Variants in SS18L1 observed in about 807,000 individuals in gnomAD.
SS18L1 encodes the protein SS18L1 subunit of BAF chromatin remodeling complex.
SS18L1 carries 32 observed loss-of-function variants against 70.3 expected under a neutral mutation model. That is an observed-to-expected ratio of 0.46 (90% CI 0.34 to 0.61). The LOEUF (loss-of-function observed/expected upper bound fraction) is 0.61. Ranked by LOEUF, SS18L1 falls within the 20% of genes least tolerant of loss-of-function variation. The pLI is 0.01. For missense variants in SS18L1, 430 were observed against 542.1 expected (o/e 0.79, Z 2.05); for synonymous variants, 237 against 229.7 (o/e 1.03, Z -0.29).
chr20:62,166,215 G>A (rs1416171181), intron 8 of SS18L1, among the ~76,000 whole-genome samples: 3 of 152,248 alleles, frequency 2.0e-5, no homozygotes, highest in Non-Finnish European at 4.4e-5. Context: ...GATCGCCTGC[G>A]GGATTGCGCA....
chr20:62,168,939 G>A (rs2057481226), intron 8 of SS18L1, among the ~76,000 whole-genome samples: 1 of 152,142 alleles, frequency 6.6e-6, no homozygotes, highest in Non-Finnish European at 1.5e-5. Flanking sequence ...AAAACGAGAG[G>A]GTGTTCATGC....
chr20:62,154,203 G>C, intron 1 of SS18L1: 1 of 466,662 alleles, frequency 2.1e-6, no homozygotes, highest in Non-Finnish European at 2.9e-6. Flanking sequence ...ACATCATTAA[G>C]GATTACTGGA....
intron 1 of SS18L1, 81 bp downstream of exon 1, chr20:62,143,970 G>C (rs2056972426): frequency 1.1e-6 from 1 of 881,162 alleles, no homozygotes; most frequent in African/African-American, 1.8e-5. Flanking sequence ...GCAGCTGGCG[G>C]GCGCGGGGCG....
rs560770520 is a variant in SS18L1 at position 62,165,530 on chromosome 20, G to A, written c.916+16G>A. ...TATGAGGGGGGTAAGGAGCACGGCT[G>A]CGTGCTGGGCTCGAGCGTAAGCGCC... On this transcript the variant is annotated intron_variant, in intron 8 of 10. Coordinates refer to ENST00000331758, the MANE Select transcript of SS18L1 (RefSeq NM_198935.3). The A allele has an allele frequency of 1.4e-5, 18 of 1,285,734 alleles. No homozygotes were observed. In the East Asian group the frequency reaches 3.6e-4, roughly 26 times the overall value. The allele number at this position is 1,285,734 out of a possible 1,614,324, so 79.6% of individuals were successfully genotyped here. A position where few individuals can be genotyped will look rare whatever the true frequency, so the allele number is the denominator to read the frequency against.
chr20:62,147,032 C>T (rs995262934), intron 1 of SS18L1, among the ~76,000 whole-genome samples: 4 of 152,290 alleles, frequency 2.6e-5, no homozygotes, highest in African/African-American at 9.6e-5. Context: ...TTTCCAGTAC[C>T]TCCCATGCGC....
chr20:62,158,738 G>T lies in SS18L1; in HGVS notation c.136G>T (p.Glu46Ter). 6.2e-7 allele frequency: 1 copy of T among 1,612,964 alleles called. No individual in the cohort carries two copies. The highest frequency in any genetic ancestry group is 1.7e-5 in the Admixed American group (1 of 60,028). Residue 46 changes from glutamate to a stop codon, truncating the protein, a stop_gained, in exon 2 of 11, where the codon GAG becomes TAG. Transcript: ENST00000331758. LOFTEE classifies it high-confidence loss of function. This position sits in a 1 kb window ranked among gnomAD's most constrained non-coding sequence, Gnocchi z 4.5. Reference protein sequence around the residue: ...LEYQSKGKTAECTQYQQILHR... With the variant: ...LEYQSKGKTA ...GTACCAGAGCAAGGGCAAGACGGCCGAGTGCACGCAGTGAGTGCCCGCCAT... is the reference window on the plus strand; with the variant it reads ...GTACCAGAGCAAGGGCAAGACGGCCTAGTGCACGCAGTGAGTGCCCGCCAT...
chr20:62,171,175 T>C (rs2057525253), intron 8 of SS18L1, among the ~76,000 whole-genome samples: 1 of 152,194 alleles, frequency 6.6e-6, no homozygotes, highest in African/African-American at 2.4e-5. Context: ...GTGCTGGGAT[T>C]ACAGGCGTGA....
At position 62,162,847 on chromosome 20, in the gene SS18L1, G is replaced by A. The variant is rs569664682; in HGVS notation, c.472G>A (p.Ala158Thr). 28 of 1,612,890 alleles carry A rather than the reference G, an allele frequency of 1.7e-5. No individual in the cohort carries two copies. In the Middle Eastern group the frequency reaches 4.9e-4, roughly 29 times the overall value. Residue 158 changes from alanine to threonine, a missense_variant, in exon 5 of 11, where the codon GCC (alanine) becomes ACC (threonine). Physicochemically the swap from Ala to Thr is moderately conservative, Grantham distance 58. Coordinates refer to ENST00000331758, the MANE Select transcript of SS18L1 (RefSeq NM_198935.3). ...GCCCGGCTACAGCCACGCGGGACCCGCCTCGCAGGGCGTCCCCATGCAGGG... is the reference window on the plus strand; with the variant it reads ...GCCCGGCTACAGCCACGCGGGACCCACCTCGCAGGGCGTCCCCATGCAGGG... The part of the protein sequence containing the change: ...SGPGYSHAGP[A>T]SQGVPMQGQG...
rs373325964 is a variant in SS18L1 at position 62,172,650 on chromosome 20, A to G, written c.917-32A>G. The stretch of plus-strand genomic sequence containing the variant: ...ATGAGCCCCCTTAGCCCAGGTGGGG[A>G]AAGTCATTTCTGTGTCTCCTCCTCC... On this transcript the variant is annotated intron_variant, in intron 8 of 10. Coordinates refer to ENST00000331758, the MANE Select transcript of SS18L1 (RefSeq NM_198935.3). The G allele has an allele frequency of 6.8e-6, 11 of 1,613,842 alleles. No individual in the cohort carries two copies. In the African/African-American group the frequency reaches 1.2e-4, roughly 18 times the overall value.
intron 1 of SS18L1, among the ~76,000 whole-genome samples, chr20:62,149,887 G>T (rs2427260): frequency 1.1e-4 from 16 of 152,204 alleles, no homozygotes; most frequent in Admixed American, 3.3e-4. Flanking sequence ...GCATACAGAC[G>T]TCGCGTGTTG....
rs1318359687 is a variant in SS18L1, at chr20:62,163,764, A to C, written c.721+142A>C. 3 of 1,216,290 alleles carry C rather than the reference A, an allele frequency of 2.5e-6. No homozygotes were observed. In the African/African-American group the frequency reaches 4.6e-5, roughly 19 times the overall value. The allele number at this position is 1,216,290 out of a possible 1,614,324, so 75.3% of individuals were successfully genotyped here. ...AGTGAGGCTTGGCGCCTTGGTGTTA[A>C]CATTGAGTGTGGACCCTGGGGGTGA... On this transcript the variant is annotated intron_variant, in intron 6 of 10. Transcript: ENST00000331758.
chr20:62,156,689 G>T (rs1044849712), intron 1 of SS18L1, among the ~76,000 whole-genome samples: 5 of 152,204 alleles, frequency 3.3e-5, no homozygotes, highest in Admixed American at 2.6e-4. Flanking sequence ...GCCTGTGGAT[G>T]AGTTTGGGCC....
chr20:62,164,760 G>T (rs1018464610), intron 7 of SS18L1, among the ~76,000 whole-genome samples: 1 of 152,198 alleles, frequency 6.6e-6, no homozygotes, highest in Non-Finnish European at 1.5e-5. Context: ...TGAAAACAGC[G>T]GTTCACACCT....
At chr20:62,146,524 T>C (rs2145684945) in intron 1 of SS18L1, among the ~76,000 whole-genome samples, 1 of 152,104 alleles carries the variant, frequency 6.6e-6, no homozygotes, top group Non-Finnish European at 1.5e-5. Context: ...TTACCTGCTC[T>C]TCTCCTGGCT....
At chr20:62,153,020 A>T (rs997380423) in intron 1 of SS18L1, among the ~76,000 whole-genome samples, 1 of 152,212 alleles carries the variant, frequency 6.6e-6, no homozygotes, top group African/African-American at 2.4e-5. Context: ...GGGGTAATTT[A>T]TAAAGGAAAG....
chr20:62,173,160 A>G (rs6061450), intron 9 of SS18L1, among the ~76,000 whole-genome samples: 41,323 of 152,194 alleles, frequency 0.27, 10,685 homozygotes, highest in African/African-American at 0.68. Context: ...CCGTGTATCC[A>G]TCACCTGCAC....
intron 8 of SS18L1, among the ~76,000 whole-genome samples, chr20:62,165,983 ATC>A (rs1329480035): frequency 3.9e-5 from 6 of 152,284 alleles, no homozygotes; most frequent in African/African-American, 1.2e-4. Context: ...GGAAACGCAC[ATC>A]TGTGGCTGGG....
chr20:62,147,152 G>C (rs963280869), intron 1 of SS18L1, among the ~76,000 whole-genome samples: 3 of 152,122 alleles, frequency 2.0e-5, no homozygotes, highest in Non-Finnish European at 4.4e-5. Flanking sequence ...AGAGGGTCCC[G>C]AGCCTGGCCT....
In SS18L1 at chr20:62,159,991, T is replaced by C; in HGVS notation, c.231+30T>C. 1 of 1,595,264 alleles carries C rather than the reference T, an allele frequency of 6.3e-7. No homozygotes were observed. The highest frequency in any genetic ancestry group is 8.5e-7 in the Non-Finnish European group (1 of 1,170,684). ...GTACCCACGGGGGGTTGGCCTCCTTTACCCAGCAAGGACTCCGACACTGCC... is the reference window on the plus strand; with the variant it reads ...GTACCCACGGGGGGTTGGCCTCCTTCACCCAGCAAGGACTCCGACACTGCC... On this transcript the variant is annotated intron_variant, in intron 3 of 10. Transcript: ENST00000331758. This position sits in a 1 kb window ranked among gnomAD's most constrained non-coding sequence, Gnocchi z 4.4.
Sources: allele counts gnomAD v4.1 joint callset (sites outside exome capture counted in the v4.1 genomes callset), GRCh38; gene constraint gnomAD v4.1.1; non-coding constraint Gnocchi (gnomAD v3.1); transcripts MANE v1.5; gene names NCBI Gene and HGNC (gene_info 2026-07-23, HGNC 2026-07-21).